HOXC13: variants seen among roughly 807,000 people sequenced by gnomAD.
The protein encoded by HOXC13 is homeobox protein Hox-C13.
Under a neutral mutation model 25.9 loss-of-function variants are expected in HOXC13, and 10 were observed. The ratio of observed to expected loss-of-function variants is 0.39; its 90% confidence interval spans 0.24 to 0.65. The LOEUF is 0.65. Among genes scored for constraint, HOXC13 ranks in the 30% least tolerant of loss-of-function variants. The probability of loss-of-function intolerance (pLI) is 0.50; values close to 1 mark genes in which losing one functional copy is unlikely to be tolerated. For missense variants in HOXC13, 439 were observed against 478.3 expected (o/e 0.92, Z 0.77); for synonymous variants, 233 against 217.1 (o/e 1.07, Z -0.64).
chr12:53,942,843 C>A (rs1172927897), intron 1 of HOXC13, among the ~76,000 whole-genome samples: 3 of 152,088 alleles, frequency 2.0e-5, no homozygotes, highest in Non-Finnish European at 2.9e-5. Context: ...GAAAAATAAC[C>A]AGTTTAAACC....
In HOXC13 at chr12:53,938,990, CGGCGGCGGCGGCGGAGGAGGA is replaced by C. The variant is rs1938562093; in HGVS notation, c.94_114del (p.Gly32_Gly38del). ...AGGACAGCGCGGCGGAGAGCGGCAT[CGGCGGCGGCGGCGGAGGAGGA>C]GGCGGCGGCACGGGCGGAGCGGGGG... On this transcript the variant is annotated inframe_deletion, in exon 1 of 2. Transcript: ENST00000243056. 2 of 1,486,560 alleles carry C rather than the reference CGGCGGCGGCGGCGGAGGAGGA, an allele frequency of 1.3e-6. No homozygotes were observed. The highest frequency in any genetic ancestry group is 8.9e-7 in the Non-Finnish European group (1 of 1,123,912). 92.1% of individuals were successfully genotyped at this position (1,486,560 alleles called of 1,614,324 possible). A position where few individuals can be genotyped will look rare whatever the true frequency, so the allele number is the denominator to read the frequency against.
Position 53,939,198 on chromosome 12 carries a change from G to T in HOXC13, c.292G>T (p.Ala98Ser). ...GGGCGCCGTCTATACGGACATCCCG[G>T]CCCCGGAGGCGGCGCGCCAGTGTGC... The part of the protein sequence containing the change: ...PQGAVYTDIP[A>S]PEAARQCAPP... Residue 98 changes from alanine (A) to serine (S), a missense_variant, in exon 1 of 2, where the codon GCC becomes TCC. Coordinates refer to ENST00000243056, the MANE Select transcript of HOXC13 (RefSeq NM_017410.3). The surrounding 1 kb of genome is among the most constrained non-coding windows in gnomAD (Gnocchi z 6.7). 6.5e-7 allele frequency: 1 copy of T among 1,527,574 alleles called. No homozygotes were observed. The allele number at this position is 1,527,574 out of a possible 1,614,324, so 94.6% of individuals were successfully genotyped here.
chr12:53,940,085 C>A (rs1938585647), intron 1 of HOXC13, among the ~76,000 whole-genome samples: 1 of 152,240 alleles, frequency 6.6e-6, no homozygotes, highest in South Asian at 2.1e-4. Context: ...CTTTCTTTGA[C>A]AGAATTCGCA....
intron 1 of HOXC13, among the ~76,000 whole-genome samples, chr12:53,943,887 G>A (rs1363431425): frequency 6.6e-6 from 1 of 152,198 alleles, no homozygotes; most frequent in East Asian, 1.9e-4. Context: ...TGAGGGCTGA[G>A]CTATCCAGAT....
rs534021076 is a variant in HOXC13, at chr12:53,939,863, A to G, written c.736+221A>G. On this transcript the variant is annotated intron_variant, in intron 1 of 1. Transcript: ENST00000243056. This position sits in a 1 kb window ranked among gnomAD's most constrained non-coding sequence, Gnocchi z 6.7. ...CTGCCCGGCCGAGAATGAAGCAATC[A>G]CAGGCGCCCGAAAGCCGGGCCGCCG... Among the ~76,000 whole-genome samples the G allele has an allele frequency of 6.6e-6, 1 of 152,248 alleles. No homozygotes were observed. The highest frequency in any genetic ancestry group is 6.5e-5 in the Admixed American group (1 of 15,298).
chr12:53,945,891 C>G lies in HOXC13; in HGVS notation c.*635C>G, dbSNP rs944896069. On this transcript the variant is annotated 3_prime_UTR_variant, in exon 2 of 2. Coordinates refer to ENST00000243056, the MANE Select transcript of HOXC13 (RefSeq NM_017410.3). This position sits in a 1 kb window ranked among gnomAD's most constrained non-coding sequence, Gnocchi z 4.4. ...TTCCGTAAAAGCATTGACGCAGCCC[C>G]TACACTCCATCCCAACCAAGAAACT... The G allele has an allele frequency of 4.3e-5, 10 of 233,300 alleles. No homozygotes were observed. Among genetic ancestry groups the G allele is most frequent in the Admixed American group, 2.2e-4 (4 of 18,114 alleles). 14.5% of individuals were successfully genotyped at this position (233,300 alleles called of 1,614,324 possible).
chr12:53,943,227 C>A (rs893031999), intron 1 of HOXC13, among the ~76,000 whole-genome samples: 1 of 152,136 alleles, frequency 6.6e-6, no homozygotes, highest in African/African-American at 2.4e-5. Flanking sequence ...ACAAAATAAT[C>A]CTGAAAAAAT....
Position 53,939,350 on chromosome 12 carries a change from C to A in HOXC13, c.444C>A (p.His148Gln). The change falls in exon 1 of 2, where the codon CAC becomes CAA. Residue 148 changes from histidine (H) to glutamine (Q), a missense_variant. By Grantham distance (24) the His-to-Gln change is conservative. Transcript: ENST00000243056. This position sits in a 1 kb window ranked among gnomAD's most constrained non-coding sequence, Gnocchi z 6.7. ...VNLQQKPCAYHPGDKYPEPSG... is the reference protein window; with the variant it reads ...VNLQQKPCAYQPGDKYPEPSG... Reference sequence around the variant, plus strand: ...TGCAGCAGAAGCCTTGCGCCTACCACCCGGGCGATAAATACCCGGAGCCGT... The same window carrying A: ...TGCAGCAGAAGCCTTGCGCCTACCAACCGGGCGATAAATACCCGGAGCCGT... 6.2e-7 allele frequency: 1 copy of A among 1,604,946 alleles called. No homozygotes were observed. The highest frequency in any genetic ancestry group is 8.5e-7 in the Non-Finnish European group (1 of 1,177,008).
Position 53,946,050 on chromosome 12 carries a change from C to G in HOXC13, c.*794C>G, listed in dbSNP as rs1482355469. ...GCTAAATAGGGCTCCTCTCTCCTCTCTCTCTCTCTAGGTGGTAAGGTTGGG... is the reference window on the plus strand; with the variant it reads ...GCTAAATAGGGCTCCTCTCTCCTCTGTCTCTCTCTAGGTGGTAAGGTTGGG... On this transcript the variant is annotated 3_prime_UTR_variant, in exon 2 of 2. Transcript: ENST00000243056. 5 of 231,166 alleles carry G rather than the reference C, an allele frequency of 2.2e-5. No individual in the cohort carries two copies. Among genetic ancestry groups the G allele is most frequent in the African/African-American group, 1.1e-4 (5 of 45,216 alleles). The allele number at this position is 231,166 out of a possible 1,614,324, so 14.3% of individuals were successfully genotyped here. A position where few individuals can be genotyped will look rare whatever the true frequency, so the allele number is the denominator to read the frequency against.
In HOXC13 at chr12:53,939,077, G is replaced by A; in HGVS notation, c.171G>A (p.Met57Ile). 7.0e-7 allele frequency: 1 copy of A among 1,436,336 alleles called. No individual in the cohort carries two copies. The highest frequency in any genetic ancestry group is 9.0e-7 in the Non-Finnish European group (1 of 1,105,436). 89.0% of individuals were successfully genotyped at this position (1,436,336 alleles called of 1,614,324 possible). A position where few individuals can be genotyped will look rare whatever the true frequency, so the allele number is the denominator to read the frequency against. ...SGASPGKAPS[M>I]DGLGSSCPAS... is the part of the protein sequence containing the mutation. ...CGAGCCCCGGCAAAGCCCCGAGCAT[G>A]GATGGTCTGGGCAGCAGCTGCCCGG... is the stretch of plus-strand genomic sequence containing the variant. Residue 57 changes from methionine (M) to isoleucine (I), a missense_variant, in exon 1 of 2, where the codon ATG becomes ATA. By Grantham distance (10) the Met-to-Ile change is conservative. Coordinates refer to ENST00000243056, the MANE Select transcript of HOXC13 (RefSeq NM_017410.3). The surrounding 1 kb of genome is among the most constrained non-coding windows in gnomAD (Gnocchi z 6.7).
In HOXC13 at chr12:53,939,884, C is replaced by G. The variant is rs1393255434; in HGVS notation, c.736+242C>G. ...AATCACAGGCGCCCGAAAGCCGGGC[C>G]GCCGGCTCTGCTCTGTCCGGTAGCT... On this transcript the variant is annotated intron_variant, in intron 1 of 1. Transcript: ENST00000243056. This position sits in a 1 kb window ranked among gnomAD's most constrained non-coding sequence, Gnocchi z 6.7. 6.6e-6 allele frequency among the ~76,000 whole-genome samples: 1 copy of G among 152,226 alleles called. No individual in the cohort carries two copies. The highest frequency in any genetic ancestry group is 1.5e-5 in the Non-Finnish European group (1 of 68,024).
intron 1 of HOXC13, among the ~76,000 whole-genome samples, chr12:53,941,270 C>T (rs916634720): frequency 2.6e-5 from 4 of 152,218 alleles, no homozygotes; most frequent in Non-Finnish European, 5.9e-5. Flanking sequence ...CCCTTTAATT[C>T]TCTATCTCAC....
chr12:53,942,191 T>TGA (rs1223225717), intron 1 of HOXC13, among the ~76,000 whole-genome samples: 14 of 88,090 alleles, frequency 1.6e-4, no homozygotes, highest in Admixed American at 3.8e-4. Flanking sequence ...TTTTTTTTTT[T>TGA]GAGAGAGAGA....
Position 53,939,359 on chromosome 12 carries a change from T to A in HOXC13, c.453T>A (p.Asp151Glu). The change falls in exon 1 of 2, where the codon GAT (aspartate) becomes GAA (glutamate). Residue 151 changes from aspartate (D) to glutamate (E), a missense_variant. Asp to Glu is a conservative substitution (Grantham distance 45). Coordinates refer to ENST00000243056, the MANE Select transcript of HOXC13 (RefSeq NM_017410.3). This position sits in a 1 kb window ranked among gnomAD's most constrained non-coding sequence, Gnocchi z 6.7. ...QQKPCAYHPG[D>E]KYPEPSGALP... ...AGCCTTGCGCCTACCACCCGGGCGATAAATACCCGGAGCCGTCGGGCGCCC... is the reference window on the plus strand; with the variant it reads ...AGCCTTGCGCCTACCACCCGGGCGAAAAATACCCGGAGCCGTCGGGCGCCC... 6.2e-7 allele frequency: 1 copy of A among 1,606,158 alleles called. No homozygotes were observed. Among genetic ancestry groups the A allele is most frequent in the Non-Finnish European group, 8.5e-7 (1 of 1,177,580 alleles).
chr12:53,943,470 T>C (rs1189535542), intron 1 of HOXC13, among the ~76,000 whole-genome samples: 2 of 152,212 alleles, frequency 1.3e-5, no homozygotes, highest in African/African-American at 4.8e-5. Flanking sequence ...AGTTATTTTG[T>C]TTTTTAGATT....
At chr12:53,943,299 A>G (rs1975472) in intron 1 of HOXC13, among the ~76,000 whole-genome samples, 89,114 of 152,076 alleles carry the variant, frequency 0.59, 28,677 homozygotes, top group East Asian at 0.8. Context: ...GTATCACTAC[A>G]TATCCTCTTC....
chr12:53,945,478 G>C lies in HOXC13; in HGVS notation c.*222G>C. ...CCCCCATCCAGATGGGACTCACGTG[G>C]CTTCAACAGCTTTGGAAATGGGTCC... On this transcript the variant is annotated 3_prime_UTR_variant, in exon 2 of 2. Coordinates refer to ENST00000243056, the MANE Select transcript of HOXC13 (RefSeq NM_017410.3). This position sits in a 1 kb window ranked among gnomAD's most constrained non-coding sequence, Gnocchi z 4.4. The C allele has an allele frequency of 1.7e-6, 1 of 587,414 alleles. No individual in the cohort carries two copies. The highest frequency in any genetic ancestry group is 3.0e-6 in the Non-Finnish European group (1 of 332,252). 36.4% of individuals were successfully genotyped at this position (587,414 alleles called of 1,614,324 possible). A position where few individuals can be genotyped will look rare whatever the true frequency, so the allele number is the denominator to read the frequency against.
chr12:53,944,291 T>C (rs1411117347), intron 1 of HOXC13, among the ~76,000 whole-genome samples: 1 of 152,008 alleles, frequency 6.6e-6, no homozygotes, highest in African/African-American at 2.4e-5. Flanking sequence ...ATTCCTAGAG[T>C]GTGGACCTCC....
chr12:53,946,168 C>T lies in HOXC13; in HGVS notation c.*912C>T, dbSNP rs540580249. ...TGGGTCCCTCAACAAAGTCCCTGTC[C>T]AGTCACCTTTCCATCAGGGCACTAG... On this transcript the variant is annotated 3_prime_UTR_variant, in exon 2 of 2. Transcript: ENST00000243056. 4.3e-6 allele frequency: 1 copy of T among 230,582 alleles called. No homozygotes were observed. Among genetic ancestry groups the T allele is most frequent in the East Asian group, 6.2e-5 (1 of 16,198 alleles). 14.3% of individuals were successfully genotyped at this position (230,582 alleles called of 1,614,324 possible).
Sources: gnomAD v4.1 joint callset for allele counts (sites outside exome capture counted in the v4.1 genomes callset) on GRCh38, gnomAD v4.1.1 for gene constraint, Gnocchi (gnomAD v3.1) non-coding constraint, MANE v1.5 for transcripts, NCBI Gene and HGNC (gene_info 2026-07-23, HGNC 2026-07-21) for gene names.